The following ZGRF1 variants were observed in gnomAD, a reference collection of about 807,000 sequenced individuals.
ZGRF1 encodes the protein 5'-3' DNA helicase ZGRF1.
In ZGRF1, 196 loss-of-function variants were observed where a neutral mutation model predicts 203.5. The ratio of observed to expected loss-of-function variants is 0.96; its 90% CI spans 0.86 to 1.08. The LOEUF (loss-of-function observed/expected upper bound fraction) is 1.08, where lower values mean the gene tolerates loss of function less well. Among genes scored for constraint, ZGRF1 ranks in the 50% least tolerant of loss-of-function variants. ZGRF1 has a pLI of 0.00. For synonymous variants in ZGRF1, 809 were observed against 841.3 expected (o/e 0.96, Z 0.66); for missense variants, 2,326 against 2,416.3 (o/e 0.96, Z 0.78).
Position 112,562,395 on chromosome 4 carries a change from G to A in ZGRF1, c.4673C>T (p.Pro1558Leu), listed in dbSNP as rs1742163700. ...IQDYFNPATL[P>L]LTQYLLTTSS... ...CGTTGTTAACAGGTACTGTGTTAGA[G>A]GTAGAGTAGCTGGATTAAAGTAGTC... Residue 1558 changes from proline (P) to leucine (L), a missense_variant, in exon 18 of 28, where the codon CCT (proline) becomes CTT (leucine). Pro to Leu is a moderately conservative substitution (Grantham distance 98, BLOSUM62 -3). Coordinates refer to ENST00000505019, the MANE Select transcript of ZGRF1 (RefSeq NM_018392.5). 3 of 1,604,874 alleles carry A rather than the reference G, an allele frequency of 1.9e-6. No individual in the cohort carries two copies. Among genetic ancestry groups the A allele is most frequent in the Admixed American group, 3.4e-5 (2 of 59,298 alleles).
chr4:112,585,557 T>G lies in ZGRF1; in HGVS notation c.4085A>C (p.Lys1362Thr), dbSNP rs1747026863. Residue 1362 changes from lysine (K) to threonine (T), a missense_variant, in exon 14 of 28, where the codon AAG becomes ACG. Transcript: ENST00000505019. ...SQPAKLVMVK[K>T]EGPNKGRLFY... ...CAAGAATACCTTATTTGGACCTTCCTTTTTAACCATGACAAGTTTTGCAGG... is the reference window on the plus strand; with the variant it reads ...CAAGAATACCTTATTTGGACCTTCCGTTTTAACCATGACAAGTTTTGCAGG... The G allele has an allele frequency of 6.2e-7, 1 of 1,609,846 alleles. No homozygotes were observed. The highest frequency in any genetic ancestry group is 8.5e-7 in the Non-Finnish European group (1 of 1,178,568).
At chr4:112,558,331 A>G in intron 19 of ZGRF1, 22 bp from the exon 20 acceptor site, 2 of 1,471,398 alleles carry the variant, frequency 1.4e-6, no homozygotes, top group African/African-American at 3.0e-5. Context: ...AAAAGAAGAA[A>G]AAAATAAAAA....
At chr4:112,596,446 G>T (rs1232071776) in intron 10 of ZGRF1, among the ~76,000 whole-genome samples, 2 of 152,026 alleles carry the variant, frequency 1.3e-5, no homozygotes, top group Non-Finnish European at 2.9e-5. Flanking sequence ...GAAAACACTG[G>T]GGGGAAAAGC....
chr4:112,553,951 G>A lies in ZGRF1; in HGVS notation c.5230C>T (p.Gln1744Ter). ...ATTAGTGCATGTAGTTCTTTTAACT[G>A]TTCACTTTCATTTTCTGAGCCAGCA... ...LHAGSENESE[Q>*]LKELHALMKE... is the part of the protein sequence containing the mutation. Residue 1744 changes from glutamine to a stop codon, truncating the protein, a stop_gained, in exon 22 of 28, where the codon CAG becomes TAG. Transcript: ENST00000505019. LOFTEE classifies it high-confidence loss of function. 1 of 1,609,404 alleles carries A rather than the reference G, an allele frequency of 6.2e-7. No individual in the cohort carries two copies. The highest frequency in any genetic ancestry group is 8.5e-7 in the Non-Finnish European group (1 of 1,178,624).
chr4:112,581,893 G>T, intron 15 of ZGRF1, 91 bp from the exon 16 acceptor site: 1 of 564,014 alleles, frequency 1.8e-6, no homozygotes, highest in Non-Finnish European at 2.8e-6. Context: ...AAGAACCAGG[G>T]TTTCATATGT....
At chr4:112,579,310 A>G (rs1745795054) in intron 16 of ZGRF1, among the ~76,000 whole-genome samples, 1 of 123,182 alleles carries the variant, frequency 8.1e-6, no homozygotes, top group Non-Finnish European at 1.8e-5. Context: ...CCCACAGCCA[A>G]TATCACACTG....
chr4:112,571,463 T>C (rs1355951853), intron 16 of ZGRF1, among the ~76,000 whole-genome samples: 1 of 152,172 alleles, frequency 6.6e-6, no homozygotes, highest in Non-Finnish European at 1.5e-5. Flanking sequence ...TCAAAACTTC[T>C]ACAGGGAAAT....
At chr4:112,612,031 T>A (rs2149128859) in intron 7 of ZGRF1, among the ~76,000 whole-genome samples, 1 of 152,018 alleles carries the variant, frequency 6.6e-6, no homozygotes, top group African/African-American at 2.4e-5. Context: ...AATGGCATGA[T>A]CTCGGCTCAC....
intron 24 of ZGRF1, among the ~76,000 whole-genome samples, chr4:112,541,522 G>GT (rs1291668475): frequency 2.1e-5 from 3 of 143,676 alleles, no homozygotes; most frequent in Non-Finnish European, 4.5e-5. Context: ...TAACATTATG[G>GT]TTTTTTGTTT....
chr4:112,603,769 C>G (rs1750341463), intron 9 of ZGRF1, 72 bp from the exon 10 acceptor site: 1 of 1,168,356 alleles, frequency 8.6e-7, no homozygotes, highest in African/African-American at 1.5e-5. Flanking sequence ...AGTAAACACA[C>G]AGAATACAAT....
chr4:112,562,991 T>C, intron 17 of ZGRF1, 140 bp downstream of exon 17: 1 of 554,342 alleles, frequency 1.8e-6, no homozygotes, highest in East Asian at 2.9e-5. Context: ...ATATTCAACT[T>C]CATACACATT....
intron 12 of ZGRF1, 129 bp downstream of exon 12, chr4:112,587,151 T>C (rs1295918847): frequency 2.7e-6 from 2 of 735,810 alleles, no homozygotes. Flanking sequence ...TAACTGTAGC[T>C]CAGAGTTAGG....
At position 112,626,785 on chromosome 4, in the gene ZGRF1, A is replaced by AATTTATTT. The variant is rs553664852; in HGVS notation, c.103-2917_103-2910dup. On this transcript the variant is annotated intron_variant, in intron 3 of 27. Coordinates refer to ENST00000505019, the MANE Select transcript of ZGRF1 (RefSeq NM_018392.5). ...ACGTGAGTGCTTCTGTGATACTTCA[A>AATTTATTT]ATTTATTTATTTATTTATTTATTTA... 7.3e-3 allele frequency among the ~76,000 whole-genome samples: 1,111 copies of AATTTATTT among 151,806 alleles called. 15 individuals are homozygous for AATTTATTT. Among genetic ancestry groups the AATTTATTT allele is most frequent in the African/African-American group, 0.024 (1,003 of 41,380 alleles).
intron 3 of ZGRF1, chr4:112,629,840 G>A (rs1578498519): frequency 5.1e-6 from 1 of 197,478 alleles, no homozygotes; most frequent in South Asian, 5.5e-5. Flanking sequence ...CCAACATGGT[G>A]AAACCCCATC....
chr4:112,558,071 C>T (rs1741271514), intron 20 of ZGRF1, 79 bp downstream of exon 20: 1 of 1,139,564 alleles, frequency 8.8e-7, no homozygotes, highest in South Asian at 1.4e-5. Context: ...AGTACATGGA[C>T]ACTCAGGGCC....
In ZGRF1 at chr4:112,600,618, G is replaced by A. The variant is rs572439463; in HGVS notation, c.2976+2906C>T. Among the ~76,000 whole-genome samples the A allele has an allele frequency of 2.0e-3, 298 of 152,214 alleles. 1 individual carries two copies. The highest frequency in any genetic ancestry group is 2.8e-3 in the Non-Finnish European group (190 of 68,012). On this transcript the variant is annotated intron_variant, in intron 10 of 27. Coordinates refer to ENST00000505019, the MANE Select transcript of ZGRF1 (RefSeq NM_018392.5). ...ACGCAGGAGAATCACTTGAACCCAG[G>A]AGGCGGAGTGTTGGGAACAAGCTGA...
chr4:112,585,124 G>A (rs1746946392), intron 14 of ZGRF1, among the ~76,000 whole-genome samples: 1 of 152,090 alleles, frequency 6.6e-6, no homozygotes, highest in South Asian at 2.1e-4. Flanking sequence ...AAAATTTTCA[G>A]CTGGGCACAG....
intron 16 of ZGRF1, among the ~76,000 whole-genome samples, chr4:112,569,187 T>G (rs1220382151): frequency 6.6e-6 from 1 of 152,160 alleles, no homozygotes; most frequent in Non-Finnish European, 1.5e-5. Context: ...CAAATTATTG[T>G]CCAAAGAAAG....
At chr4:112,563,940 C>T (rs2148904826) in intron 16 of ZGRF1, among the ~76,000 whole-genome samples, 1 of 152,286 alleles carries the variant, frequency 6.6e-6, no homozygotes, top group Admixed American at 6.5e-5. Context: ...GCAGCGCCCA[C>T]ATGACTTAAT....
Sources: allele counts gnomAD v4.1 joint callset (sites outside exome capture counted in the v4.1 genomes callset), GRCh38; gene constraint gnomAD v4.1.1; transcripts MANE v1.5; gene names NCBI Gene and HGNC (gene_info 2026-07-23, HGNC 2026-07-21).